Variants in ELF1 observed in about 807,000 individuals in gnomAD.
ELF1 encodes the protein E74 like ETS transcription factor 1.
A neutral mutation model predicts 59.9 loss-of-function variants in ELF1; 24 were observed. The ratio of observed to expected loss-of-function variants is 0.40; its 90% CI spans 0.29 to 0.56. The LOEUF (loss-of-function observed/expected upper bound fraction) is 0.56, where lower values mean the gene tolerates loss of function less well. Among genes scored for constraint, ELF1 ranks in the 20% least tolerant of loss-of-function variants. ELF1 has a pLI of 0.44. For missense variants in ELF1, 627 were observed against 742.2 expected (o/e 0.84, Z 1.80); for synonymous variants, 248 against 266.2 (o/e 0.93, Z 0.67).
chr13:40,981,887 GTT>G (rs899796035), intron 2 of ELF1, 94 bp downstream of exon 2: 4 of 1,367,276 alleles, frequency 2.9e-6, no homozygotes, highest in Non-Finnish European at 3.9e-6. Flanking sequence ...TTTCAATAAA[GTT>G]TCTCTCATTG....
At chr13:40,998,617 A>C (rs753209438) in intron 1 of ELF1, among the ~76,000 whole-genome samples, 4 of 152,224 alleles carry the variant, frequency 2.6e-5, no homozygotes, top group Non-Finnish European at 4.4e-5. Flanking sequence ...CAAATCTTAG[A>C]TAGAAGCAAA....
At chr13:40,934,869 T>C (rs1161841958) in intron 8 of ELF1, among the ~76,000 whole-genome samples, 1 of 152,220 alleles carries the variant, frequency 6.6e-6, no homozygotes, top group Non-Finnish European at 1.5e-5. Context: ...GTCTTAACCA[T>C]ATGACAGAAT....
At chr13:40,988,804 CT>C (rs1321171954) in intron 1 of ELF1, among the ~76,000 whole-genome samples, 1 of 151,992 alleles carries the variant, frequency 6.6e-6, no homozygotes, top group African/African-American at 2.4e-5. Context: ...CTCTCTAGTT[CT>C]TTTTTTTCTT....
At chr13:41,046,671 C>G (rs1876860746) in intron 1 of ELF1, among the ~76,000 whole-genome samples, 1 of 152,212 alleles carries the variant, frequency 6.6e-6, no homozygotes, top group African/African-American at 2.4e-5. Context: ...GTCTGATGGG[C>G]TTCCCTCTGT....
chr13:40,963,355 C>G (rs1283195283), intron 2 of ELF1, among the ~76,000 whole-genome samples: 1 of 152,214 alleles, frequency 6.6e-6, no homozygotes, highest in African/African-American at 2.4e-5. Context: ...CAAGGCTTCA[C>G]CAATCAGAGT....
At chr13:40,965,585 C>T (rs904763990) in intron 2 of ELF1, among the ~76,000 whole-genome samples, 1 of 151,792 alleles carries the variant, frequency 6.6e-6, no homozygotes, top group African/African-American at 2.4e-5. Flanking sequence ...TATGCCACTG[C>T]ACTCCAACCT....
At chr13:41,018,405 G>A (rs946533837) in intron 1 of ELF1, among the ~76,000 whole-genome samples, 1 of 152,074 alleles carries the variant, frequency 6.6e-6, no homozygotes, top group Non-Finnish European at 1.5e-5. Context: ...ACAAAAGGAA[G>A]GCCAATACTC....
chr13:41,053,098 A>C (rs143642148), intron 1 of ELF1, among the ~76,000 whole-genome samples: 1 of 152,230 alleles, frequency 6.6e-6, no homozygotes, highest in Non-Finnish European at 1.5e-5. Context: ...TCACGCCTGT[A>C]ATCTCAGCAC....
chr13:40,956,800 C>T (rs1041904502), intron 3 of ELF1, among the ~76,000 whole-genome samples: 3 of 150,798 alleles, frequency 2.0e-5, no homozygotes, highest in African/African-American at 7.2e-5. Context: ...TCAAGTGATT[C>T]TCCTGCCTCA....
intron 1 of ELF1, among the ~76,000 whole-genome samples, chr13:41,057,931 A>G (rs1393475456): frequency 6.6e-6 from 1 of 152,228 alleles, no homozygotes; most frequent in East Asian, 1.9e-4. Flanking sequence ...AGCAAGACAG[A>G]TTATTCTCAC....
intron 5 of ELF1, among the ~76,000 whole-genome samples, chr13:40,945,286 T>C (rs1418705421): frequency 6.6e-6 from 1 of 152,206 alleles, no homozygotes; most frequent in African/African-American, 2.4e-5. Flanking sequence ...CTCTCCAACA[T>C]CTTCCTAATC....
At chr13:41,052,103 C>A (rs564980767) in intron 1 of ELF1, among the ~76,000 whole-genome samples, 2 of 151,978 alleles carry the variant, frequency 1.3e-5, no homozygotes, top group Non-Finnish European at 2.9e-5. Context: ...CCATGCCCAG[C>A]TAATTTTTGT....
rs1286514962 is a variant in ELF1, at chr13:40,955,335, C to T, written c.253+3501G>A. On this transcript the variant is annotated intron_variant, in intron 3 of 8. Coordinates refer to ENST00000239882, the MANE Select transcript of ELF1 (RefSeq NM_172373.4). ...TCCGGAAGGGAGGTGGGGGGGTTAG[C>T]CCCCCACCCGGCCAGCCGCCCCATC... is the stretch of plus-strand genomic sequence containing the variant. Among the ~76,000 whole-genome samples, 34 of 145,524 alleles carry T rather than the reference C, an allele frequency of 2.3e-4. 1 individual carries two copies. The highest frequency in any genetic ancestry group is 4.1e-4 in the Non-Finnish European group (27 of 65,686).
intron 1 of ELF1, among the ~76,000 whole-genome samples, chr13:41,027,511 A>T (rs1009102477): frequency 1.3e-5 from 2 of 152,212 alleles, no homozygotes; most frequent in Admixed American, 1.3e-4. Flanking sequence ...CCAATCTGCT[A>T]GCAGCAGAGA....
chr13:41,015,439 G>T (rs953193191), intron 1 of ELF1, among the ~76,000 whole-genome samples: 2 of 152,078 alleles, frequency 1.3e-5, no homozygotes, highest in African/African-American at 4.8e-5. Flanking sequence ...TTCCTTACTA[G>T]AGGCTATGGG....
At chr13:41,005,353 A>G (rs1566186941) in intron 1 of ELF1, among the ~76,000 whole-genome samples, 1 of 151,650 alleles carries the variant, frequency 6.6e-6, no homozygotes, top group Non-Finnish European at 1.5e-5. Flanking sequence ...TCTAAACAAC[A>G]GAACAGGCCC....
chr13:41,008,658 T>G (rs538265842), intron 1 of ELF1, among the ~76,000 whole-genome samples: 5 of 152,292 alleles, frequency 3.3e-5, no homozygotes, highest in African/African-American at 1.2e-4. Context: ...TTCATAGGTT[T>G]TCAGAATCTC....
At position 40,958,855 on chromosome 13, in the gene ELF1, A is replaced by C; in HGVS notation, c.234T>G (p.Asp78Glu). The change falls in exon 3 of 9, where the codon GAT becomes GAG. Residue 78 changes from aspartate to glutamate, a missense_variant. By Grantham distance (45) the Asp-to-Glu change is conservative. This residue lies in a region of ELF1 where 232 missense variants were observed against 269.2 expected (regional missense o/e 0.86). Coordinates refer to ENST00000239882, the MANE Select transcript of ELF1 (RefSeq NM_172373.4). Reference protein sequence around the residue: ...VAEEEIIDDDDDDITLTVEAS... With the variant: ...VAEEEIIDDDEDDITLTVEAS... The stretch of plus-strand genomic sequence containing the variant: ...ACGCACCTGTAAGGGTGATGTCATC[A>C]TCATCATCGTCTATGATTTCTTCTT... 6.2e-7 allele frequency: 1 copy of C among 1,612,076 alleles called. No individual in the cohort carries two copies. The highest frequency in any genetic ancestry group is 1.1e-5 in the South Asian group (1 of 90,832).
intron 2 of ELF1, among the ~76,000 whole-genome samples, chr13:40,979,185 CAGATAT>C (rs1247894020): frequency 6.9e-6 from 1 of 145,712 alleles, no homozygotes; most frequent in Non-Finnish European, 1.5e-5. Flanking sequence ...AATAACCCTA[CAGATAT>C]AATCACATAA....
Sources: allele counts gnomAD v4.1 joint callset (sites outside exome capture counted in the v4.1 genomes callset), GRCh38; gene constraint gnomAD v4.1.1; regional missense constraint gnomAD v4.1.1; transcripts MANE v1.5; gene names NCBI Gene and HGNC (gene_info 2026-07-23, HGNC 2026-07-21).